EFCAB13: variants seen among roughly 807,000 people sequenced by gnomAD.
EFCAB13 encodes the protein EF-hand calcium binding domain 13.
In EFCAB13, 91 loss-of-function variants were observed where a neutral mutation model predicts 110.2. The observed-to-expected ratio is 0.83, with a 90% CI of 0.70 to 0.98. EFCAB13 has a LOEUF of 0.98. Among genes scored for constraint, EFCAB13 ranks in the 50% least tolerant of loss-of-function variants. The pLI is 0.00. For missense variants in EFCAB13, 968 were observed against 1,119.4 expected (o/e 0.86, Z 1.93); for synonymous variants, 323 against 369.9 (o/e 0.87, Z 1.45).
chr17:47,374,083 A>G (rs2065600135), intron 11 of EFCAB13, among the ~76,000 whole-genome samples: 1 of 152,162 alleles, frequency 6.6e-6, no homozygotes, highest in South Asian at 2.1e-4. Context: ...TTCTAATTTT[A>G]TAAATAAAAT....
At chr17:47,400,909 A>G (rs2065775470) in intron 17 of EFCAB13, among the ~76,000 whole-genome samples, 2 of 152,196 alleles carry the variant, frequency 1.3e-5, no homozygotes, top group African/African-American at 4.8e-5. Flanking sequence ...TGATTATGTA[A>G]CCTTGTTGAC....
At chr17:47,335,149 G>A in intron 4 of EFCAB13, 47 bp from the exon 5 acceptor site, 2 of 1,492,950 alleles carry the variant, frequency 1.3e-6, no homozygotes, top group South Asian at 1.4e-5. Flanking sequence ...TATTTAATAT[G>A]TATGTGCAAA....
intron 9 of EFCAB13, among the ~76,000 whole-genome samples, chr17:47,357,485 G>A (rs769963880): frequency 2.0e-5 from 3 of 152,112 alleles, no homozygotes; most frequent in South Asian, 2.1e-4. Flanking sequence ...GCGCGATCTC[G>A]CTCACTGCAA....
chr17:47,339,454 T>C (rs1567781141), intron 5 of EFCAB13, among the ~76,000 whole-genome samples: 5 of 152,106 alleles, frequency 3.3e-5, no homozygotes, highest in Admixed American at 1.3e-4. Context: ...CTAGATCCCT[T>C]GCATGCACAG....
At chr17:47,377,444 G>C (rs2065622470) in intron 12 of EFCAB13, among the ~76,000 whole-genome samples, 1 of 152,150 alleles carries the variant, frequency 6.6e-6, no homozygotes. Flanking sequence ...TTATAGGCAG[G>C]AGCCACCATA....
intron 3 of EFCAB13, among the ~76,000 whole-genome samples, chr17:47,326,736 C>T (rs1250856642): frequency 2.0e-5 from 3 of 152,072 alleles, no homozygotes; most frequent in South Asian, 2.1e-4. Flanking sequence ...GAAGAGATTA[C>T]GTAGGATGGG....
At chr17:47,340,495 A>T (rs2065377757) in intron 5 of EFCAB13, among the ~76,000 whole-genome samples, 1 of 152,168 alleles carries the variant, frequency 6.6e-6, no homozygotes, top group Non-Finnish European at 1.5e-5. Context: ...ACTTAGCAAG[A>T]TTCCATCTCT....
intron 21 of EFCAB13, among the ~76,000 whole-genome samples, chr17:47,411,868 G>A (rs1313970080): frequency 6.6e-6 from 1 of 152,194 alleles, no homozygotes; most frequent in Non-Finnish European, 1.5e-5. Flanking sequence ...GACGCCGGTG[G>A]ATCACTTGAG....
intron 24 of EFCAB13, among the ~76,000 whole-genome samples, chr17:47,435,386 G>A (rs1905193255): frequency 6.6e-6 from 1 of 152,224 alleles, no homozygotes; most frequent in Admixed American, 6.5e-5. Flanking sequence ...CGGCATGGAT[G>A]TGGTGAAAAG....
intron 23 of EFCAB13, among the ~76,000 whole-genome samples, chr17:47,421,234 C>G (rs1161282926): frequency 2.6e-5 from 4 of 152,074 alleles, no homozygotes; most frequent in African/African-American, 9.6e-5. Context: ...ATTGAGAAAT[C>G]GGATGGTTGC....
intron 24 of EFCAB13, among the ~76,000 whole-genome samples, chr17:47,435,981 GT>G (rs1706705978): frequency 6.6e-6 from 1 of 152,022 alleles, no homozygotes; most frequent in African/African-American, 2.4e-5. Flanking sequence ...TTTGCTGAGG[GT>G]TTTAATCATA....
chr17:47,382,815 A>C (rs943848850), intron 14 of EFCAB13, among the ~76,000 whole-genome samples: 1 of 152,228 alleles, frequency 6.6e-6, no homozygotes, highest in African/African-American at 2.4e-5. Context: ...GTTAGAGCGG[A>C]GTCCCCCCTT....
Position 47,359,316 on chromosome 17 carries a change from A to G in EFCAB13, c.662-2062A>G, listed in dbSNP as rs2065497419. Among the ~76,000 whole-genome samples the G allele has an allele frequency of 2.6e-5, 4 of 152,176 alleles. No homozygotes were observed. In the South Asian group the frequency reaches 8.3e-4, roughly 32 times the overall value. On this transcript the variant is annotated intron_variant, in intron 9 of 24. Coordinates refer to ENST00000331493, the MANE Select transcript of EFCAB13 (RefSeq NM_152347.5). The stretch of plus-strand genomic sequence containing the variant: ...GTGATTGCATTCCAGCCTGGGCTAC[A>G]GAGAGATACCCTGTCTTTAAAAAAG...
Position 47,402,195 on chromosome 17 carries a change from G to A in EFCAB13, c.2009G>A (p.Arg670Lys), listed in dbSNP as rs1336390758. The A allele has an allele frequency of 6.2e-6, 10 of 1,613,210 alleles. No individual in the cohort carries two copies. Among genetic ancestry groups the A allele is most frequent in the East Asian group, 2.2e-5 (1 of 44,814 alleles). ...GTAAGGAATATGCGTGATGCTGCCA[G>A]GTTAGAAGGTAAGTACTGAATTATT... ...KVVRNMRDAA[R>K]LEELQEVVLA... The change falls in exon 18 of 25, where the codon AGG becomes AAG. Residue 670 changes from arginine (R) to lysine (K), a missense_variant. Transcript: ENST00000331493.
Position 47,431,492 on chromosome 17 carries a change from G to C in EFCAB13, c.2638+1531G>C, listed in dbSNP as rs374816248. 9.9e-5 allele frequency among the ~76,000 whole-genome samples: 15 copies of C among 151,374 alleles called. No individual in the cohort carries two copies. The East Asian group carries it at 2.9e-3, about 29-fold the overall frequency. On this transcript the variant is annotated intron_variant, in intron 24 of 24. Coordinates refer to ENST00000331493, the MANE Select transcript of EFCAB13 (RefSeq NM_152347.5). This position sits in a 1 kb window ranked among gnomAD's most constrained non-coding sequence, Gnocchi z 4.1. The stretch of plus-strand genomic sequence containing the variant: ...TATATAGTATTTTAATTATTGTTCA[G>C]GTCAAAATTTTTCTGATTTCTGTTG...
At chr17:47,406,293 G>A (rs2065804993) in intron 20 of EFCAB13, among the ~76,000 whole-genome samples, 1 of 152,058 alleles carries the variant, frequency 6.6e-6, no homozygotes, top group Non-Finnish European at 1.5e-5. Flanking sequence ...TGTATTTTTA[G>A]TAGAGACAGT....
chr17:47,327,836 T>G (rs981574350), intron 3 of EFCAB13, among the ~76,000 whole-genome samples: 2 of 152,200 alleles, frequency 1.3e-5, no homozygotes, highest in African/African-American at 2.4e-5. Flanking sequence ...GGAGTTAAAT[T>G]GTCTGAATTC....
intron 6 of EFCAB13, among the ~76,000 whole-genome samples, chr17:47,342,850 C>G (rs1210545361): frequency 6.6e-6 from 1 of 151,930 alleles, no homozygotes; most frequent in Non-Finnish European, 1.5e-5. Context: ...TAATTTCTCC[C>G]CATCTACTTT....
In EFCAB13 at chr17:47,335,619, G is replaced by A. The variant is rs561467455; in HGVS notation, c.191+263G>A. 1.2e-4 allele frequency among the ~76,000 whole-genome samples: 19 copies of A among 152,250 alleles called. No individual in the cohort carries two copies. In the South Asian group the frequency reaches 2.5e-3, roughly 20 times the overall value. On this transcript the variant is annotated intron_variant, in intron 5 of 24. Transcript: ENST00000331493. The stretch of plus-strand genomic sequence containing the variant: ...GTTATAAAGAACTACTTGAGACTAC[G>A]TAATTTATAAATAAAAGAGGTTTAA...
Sources: allele counts gnomAD v4.1 joint callset (sites outside exome capture counted in the v4.1 genomes callset), GRCh38; gene constraint gnomAD v4.1.1; non-coding constraint Gnocchi (gnomAD v3.1); transcripts MANE v1.5; gene names NCBI Gene and HGNC (gene_info 2026-07-23, HGNC 2026-07-21).